The following KCNC4 variants were observed in gnomAD, a reference collection of about 807,000 sequenced individuals.
The protein encoded by KCNC4 is potassium voltage-gated channel subfamily C member 4.
In KCNC4, 23 loss-of-function variants were observed where a neutral mutation model predicts 42.8. That is an observed-to-expected ratio of 0.54 (90% CI 0.39 to 0.76). The LOEUF is 0.76. Ranked by LOEUF, KCNC4 falls within the 30% of genes least tolerant of loss-of-function variation. KCNC4 has a pLI of 0.00. For missense variants in KCNC4, 751 were observed against 898.2 expected (o/e 0.84, Z 2.10); for synonymous variants, 422 against 393.5 (o/e 1.07, Z -0.86).
At chr1:110,272,320 G>T (rs1014821523) in intron 1 of KCNC4, among the ~76,000 whole-genome samples, 20 of 152,182 alleles carry the variant, frequency 1.3e-4, no homozygotes, top group Non-Finnish European at 2.6e-4. Context: ...TGAGGGTTGG[G>T]AACTTTACCT....
chr1:110,258,543 G>C (rs904506160), intron 1 of KCNC4, among the ~76,000 whole-genome samples: 1 of 152,074 alleles, frequency 6.6e-6, no homozygotes, highest in African/African-American at 2.4e-5. Flanking sequence ...GCCATTTCCT[G>C]CTTCTTAAAA....
At chr1:110,259,081 A>G (rs963460548) in intron 1 of KCNC4, among the ~76,000 whole-genome samples, 1 of 152,188 alleles carries the variant, frequency 6.6e-6, no homozygotes, top group Non-Finnish European at 1.5e-5. Flanking sequence ...TGTGAATCGG[A>G]GGTATCCTCC....
intron 1 of KCNC4, among the ~76,000 whole-genome samples, chr1:110,217,885 A>AC (rs1657884680): frequency 6.6e-6 from 1 of 151,876 alleles, no homozygotes; most frequent in African/African-American, 2.4e-5. Context: ...CCTGCCTCTT[A>AC]CCCCCGGGAC....
At position 110,210,799 on chromosome 1, in the gene KCNC4, C is replaced by T. The variant is rs1657394156; in HGVS notation, c.-701C>T. 6.6e-6 allele frequency among the ~76,000 whole-genome samples: 1 copy of T among 151,982 alleles called. No homozygotes were observed. The highest frequency in any genetic ancestry group is 6.5e-5 in the Admixed American group (1 of 15,270). On this transcript the variant is annotated 5_prime_UTR_variant, in exon 1 of 4. Transcript: ENST00000438661. The stretch of plus-strand genomic sequence containing the variant: ...TGCGGGCGCGCTTGTTTTCCAGCTG[C>T]CGCCTCGCCCTGCGCAGCCCCCGCC...
At chr1:110,253,214 C>G (rs575184157), downstream of KCNC4, among the ~76,000 whole-genome samples, 1 of 152,246 alleles carries the variant, frequency 6.6e-6, no homozygotes, top group African/African-American at 2.4e-5. Context: ...TTTCCAATCT[C>G]CAACCACATT....
intron 2 of KCNC4, 191 bp downstream of exon 2, chr1:110,224,091 C>G (rs1658266670): frequency 3.4e-6 from 2 of 588,532 alleles, no homozygotes; most frequent in East Asian, 2.8e-5. Flanking sequence ...CGATAGCTTC[C>G]CGAACATCAG....
intron 1 of KCNC4, among the ~76,000 whole-genome samples, chr1:110,216,578 G>T (rs1009780125): frequency 6.6e-6 from 1 of 152,228 alleles, no homozygotes; most frequent in Non-Finnish European, 1.5e-5. Flanking sequence ...TAGGGAAGGG[G>T]AGAAAGTAAA....
At chr1:110,220,061 C>T (rs1658007039) in intron 1 of KCNC4, 1 of 152,198 alleles carries the variant, frequency 6.6e-6, no homozygotes, top group Non-Finnish European at 1.5e-5. Flanking sequence ...GGGATTATAC[C>T]TACCTGCTCG....
downstream of KCNC4, among the ~76,000 whole-genome samples, chr1:110,250,953 C>T (rs1258362155): frequency 1.3e-5 from 2 of 152,174 alleles, no homozygotes; most frequent in African/African-American, 4.8e-5. Context: ...TATACTCCAG[C>T]TTTTGAGGTC....
In KCNC4 at chr1:110,223,979, G is replaced by C. The variant is rs781188745; in HGVS notation, c.1615+79G>C. On this transcript the variant is annotated intron_variant, in intron 2 of 3. Coordinates refer to ENST00000438661, the MANE Select transcript of KCNC4 (RefSeq NM_001039574.3). The surrounding 1 kb of genome is among the most constrained non-coding windows in gnomAD (Gnocchi z 7.5). The stretch of plus-strand genomic sequence containing the variant: ...TTTCCAAATGGACCTCAGACCTTGG[G>C]ATTTGGCATGTGTTTTGTGTGGGGC... The C allele has an allele frequency of 5.2e-6, 6 of 1,151,046 alleles. No homozygotes were observed. In the Admixed American group the frequency reaches 1.6e-4, roughly 31 times the overall value. 71.3% of individuals were successfully genotyped at this position (1,151,046 alleles called of 1,614,324 possible). A position where few individuals can be genotyped will look rare whatever the true frequency, so the allele number is the denominator to read the frequency against.
chr1:110,222,893 G>A (rs1658174618), intron 1 of KCNC4, 71 bp from the exon 2 acceptor site: 7 of 1,157,408 alleles, frequency 6.0e-6, no homozygotes, highest in Non-Finnish European at 8.8e-6. Flanking sequence ...TCATGCAGAA[G>A]TCCACGTCCC....
At chr1:110,254,782 T>C (rs774271717) in intron 1 of KCNC4, among the ~76,000 whole-genome samples, 1 of 152,186 alleles carries the variant, frequency 6.6e-6, no homozygotes, top group Non-Finnish European at 1.5e-5. Context: ...CTATCCCAAA[T>C]ACAGCACCTT....
chr1:110,245,524 A>G (rs1365244878), exon 4 of KCNC4: 1 of 152,220 alleles, frequency 6.6e-6, no homozygotes, highest in Non-Finnish European at 1.5e-5. Context: ...TCAACATGGT[A>G]GTTATCCTGC....
chr1:110,232,197 T>TC (rs775150405), intron 3 of KCNC4: 25 of 1,612,016 alleles, frequency 1.6e-5, no homozygotes, highest in Non-Finnish European at 1.9e-5. Flanking sequence ...AGGTACTATT[T>TC]CCTGACCTTC....
downstream of KCNC4, among the ~76,000 whole-genome samples, chr1:110,254,105 G>T (rs1464147329): frequency 6.9e-6 from 1 of 145,660 alleles, no homozygotes; most frequent in African/African-American, 2.5e-5. Flanking sequence ...GGGGGGCGGC[G>T]TTTCTGTTGT....
At chr1:110,250,910 T>C (rs1659239586), downstream of KCNC4, among the ~76,000 whole-genome samples, 1 of 152,110 alleles carries the variant, frequency 6.6e-6, no homozygotes, top group Non-Finnish European at 1.5e-5. Flanking sequence ...TGGACTGCCT[T>C]AAAGCCCTGG....
At chr1:110,243,674 G>A (rs968301514) in exon 4 of KCNC4, 5 of 152,868 alleles carry the variant, frequency 3.3e-5, no homozygotes, top group Middle Eastern at 2.4e-3. Context: ...AGTAGCCCGC[G>A]GAGCAGGGAG....
At chr1:110,236,977 A>G (rs1463254008), downstream of KCNC4, 2 of 152,138 alleles carry the variant, frequency 1.3e-5, no homozygotes, top group South Asian at 2.1e-4. Flanking sequence ...GTAGGTATAT[A>G]TAAGAACCTT....
chr1:110,224,231 T>C (rs571702832), intron 2 of KCNC4: 1 of 291,524 alleles, frequency 3.4e-6, no homozygotes, highest in Non-Finnish European at 6.4e-6. Context: ...TCACTCACCC[T>C]CTCTAGGCAC....
Sources: allele counts gnomAD v4.1 joint callset (sites outside exome capture counted in the v4.1 genomes callset), GRCh38; gene constraint gnomAD v4.1.1; non-coding constraint Gnocchi (gnomAD v3.1); transcripts MANE v1.5; gene names NCBI Gene and HGNC (gene_info 2026-07-23, HGNC 2026-07-21).